The following VPS13B variants were observed in gnomAD, a reference collection of about 807,000 sequenced individuals.
VPS13B encodes vacuolar protein sorting 13 homolog B, also known as intermembrane lipid transfer protein VPS13B.
Under a neutral mutation model 426.4 loss-of-function variants are expected in VPS13B, and 285 were observed. The observed-to-expected ratio is 0.67, with a 90% CI of 0.61 to 0.74. The LOEUF is 0.74. Ranked by LOEUF, VPS13B falls within the 30% of genes least tolerant of loss-of-function variation. The pLI, the probability that VPS13B is intolerant of heterozygous loss-of-function variation, is 0.00. For missense variants in VPS13B, 4,537 were observed against 4,782.6 expected, an observed-to-expected ratio of 0.95 and a Z score of 1.51; for synonymous variants, 1,676 against 1,676.4, an observed-to-expected ratio of 1.00 and a Z score of 0.01.
intron 8 of VPS13B, 56 bp from the exon 9 acceptor site, chr8:99,134,576 A>G: frequency 7.4e-7 from 1 of 1,346,672 alleles, no homozygotes; most frequent in Non-Finnish European, 1.0e-6. Context: ...TCATAATGAC[A>G]ATTTATTGCT....
Position 99,513,795 on chromosome 8 carries a change from A to G in VPS13B, c.4633+2283A>G, listed in dbSNP as rs531707888. ...AAAACTTGACCAAGAATATGATACA[A>G]TATCAGTGTGTTGTTTTTTTCTGCA... is the stretch of plus-strand genomic sequence containing the variant. On this transcript the variant is annotated intron_variant, in intron 29 of 61. Coordinates refer to ENST00000357162, the MANE Select transcript of VPS13B (RefSeq NM_152564.5). Among the ~76,000 whole-genome samples the G allele has an allele frequency of 5.3e-5, 8 of 152,282 alleles. No individual in the cohort carries two copies. In the East Asian group the frequency reaches 9.6e-4, roughly 18 times the overall value.
At chr8:99,415,299 A>T (rs2133367910) in intron 21 of VPS13B, among the ~76,000 whole-genome samples, 1 of 152,030 alleles carries the variant, frequency 6.6e-6, no homozygotes, top group Non-Finnish European at 1.5e-5. Flanking sequence ...TGGATATTCT[A>T]GTTAGCAATT....
intron 33 of VPS13B, among the ~76,000 whole-genome samples, chr8:99,598,749 C>T (rs1160033413): frequency 2.0e-5 from 3 of 152,070 alleles, no homozygotes; most frequent in Non-Finnish European, 2.9e-5. Flanking sequence ...TCCTCCTCCT[C>T]CTCCACTTAA....
intron 21 of VPS13B, among the ~76,000 whole-genome samples, chr8:99,425,510 C>T (rs916723275): frequency 1.3e-5 from 2 of 152,146 alleles, no homozygotes; most frequent in Non-Finnish European, 2.9e-5. Context: ...TGACAAAATT[C>T]AACAGCCCTT....
At chr8:99,069,083 T>C (rs2132327501) in intron 3 of VPS13B, among the ~76,000 whole-genome samples, 1 of 152,314 alleles carries the variant, frequency 6.6e-6, no homozygotes, top group African/African-American at 2.4e-5. Flanking sequence ...GGAATTTGCA[T>C]GTTGGTAATT....
chr8:99,704,102 A>G (rs1022752341), intron 36 of VPS13B, among the ~76,000 whole-genome samples: 10 of 152,120 alleles, frequency 6.6e-5, no homozygotes, highest in Non-Finnish European at 4.4e-5. Flanking sequence ...ACCCAAGCCA[A>G]AACCAGTGAG....
Position 99,194,142 on chromosome 8 carries a change from AG to A in VPS13B, c.2515+1088del, listed in dbSNP as rs1158517416. On this transcript the variant is annotated intron_variant, in intron 17 of 61. Coordinates refer to ENST00000357162, the MANE Select transcript of VPS13B (RefSeq NM_152564.5). The stretch of plus-strand genomic sequence containing the variant: ...ATTTCAGATTTTGGGTTTTCAGATT[AG>A]GGATGTTCAAGTTGTAGTAGTTTTG... Among the ~76,000 whole-genome samples the A allele has an allele frequency of 2.6e-5, 4 of 152,306 alleles. 1 individual carries two copies. The East Asian group carries it at 5.8e-4, about 22-fold the overall frequency.
intron 33 of VPS13B, among the ~76,000 whole-genome samples, chr8:99,609,353 G>A (rs1827743096): frequency 6.6e-6 from 1 of 152,026 alleles, no homozygotes; most frequent in South Asian, 2.1e-4. Context: ...CTAAATATTG[G>A]GAATTTTATC....
At chr8:99,649,053 T>A (rs556074168) in intron 34 of VPS13B, among the ~76,000 whole-genome samples, 1 of 152,250 alleles carries the variant, frequency 6.6e-6, no homozygotes, top group East Asian at 1.9e-4. Flanking sequence ...TGTTCTTCTG[T>A]CCCCTGTGGT....
intron 28 of VPS13B, chr8:99,508,028 T>C: frequency 6.7e-7 from 1 of 1,484,382 alleles, no homozygotes; most frequent in East Asian, 2.3e-5. Context: ...TCATAAACTT[T>C]ATAAATGAAG....
At chr8:99,242,013 A>G (rs1326970794) in intron 17 of VPS13B, among the ~76,000 whole-genome samples, 2 of 151,556 alleles carry the variant, frequency 1.3e-5, no homozygotes, top group African/African-American at 2.4e-5. Flanking sequence ...GAGTCTCGCT[A>G]TTGTCAGCCC....
intron 61 of VPS13B, among the ~76,000 whole-genome samples, chr8:99,874,272 C>G (rs1311802183): frequency 6.6e-6 from 1 of 152,186 alleles, no homozygotes; most frequent in Admixed American, 6.5e-5. Flanking sequence ...CTGGCCCCAT[C>G]AAATGATATC....
chr8:99,222,463 C>T (rs1204275550), intron 17 of VPS13B, among the ~76,000 whole-genome samples: 1 of 152,142 alleles, frequency 6.6e-6, no homozygotes, highest in Non-Finnish European at 1.5e-5. Context: ...TAATTGGTGG[C>T]TACTGTTATT....
In VPS13B at chr8:99,318,256, AAT is replaced by A. The variant is rs1265122169; in HGVS notation, c.2824+43004_2824+43005del. On this transcript the variant is annotated intron_variant, in intron 19 of 61. Coordinates refer to ENST00000357162, the MANE Select transcript of VPS13B (RefSeq NM_152564.5). ...TCAGTTCATGAGCATACTGATATTGAATAACAATGCTGTGCAATTATTCTATA... is the reference window on the plus strand; with the variant it reads ...TCAGTTCATGAGCATACTGATATTGAAACAATGCTGTGCAATTATTCTATA... Among the ~76,000 whole-genome samples the A allele has an allele frequency of 1.1e-4, 17 of 152,334 alleles. No homozygotes were observed. The East Asian group carries it at 3.1e-3, about 28-fold the overall frequency.
chr8:99,609,324 C>T (rs1827741878), intron 33 of VPS13B, among the ~76,000 whole-genome samples: 3 of 152,188 alleles, frequency 2.0e-5, no homozygotes, highest in Non-Finnish European at 4.4e-5. Context: ...AATATTACCA[C>T]TGATTTCATC....
At chr8:99,063,686 C>T (rs1411745700) in intron 3 of VPS13B, among the ~76,000 whole-genome samples, 1 of 152,352 alleles carries the variant, frequency 6.6e-6, no homozygotes, top group East Asian at 1.9e-4. Context: ...CAGACTTAAA[C>T]GTCTCTGTCT....
At chr8:99,605,447 T>G (rs914340706) in intron 33 of VPS13B, among the ~76,000 whole-genome samples, 1 of 152,174 alleles carries the variant, frequency 6.6e-6, no homozygotes, top group African/African-American at 2.4e-5. Context: ...CTTCAATCTA[T>G]AGATAACTCT....
intron 39 of VPS13B, among the ~76,000 whole-genome samples, chr8:99,740,149 C>T (rs1016297002): frequency 5.3e-5 from 8 of 152,120 alleles, no homozygotes; most frequent in African/African-American, 1.9e-4. Context: ...GAGCTGCAAA[C>T]CACAGCACAA....
intron 61 of VPS13B, among the ~76,000 whole-genome samples, chr8:99,872,080 G>A (rs1309199276): frequency 6.6e-6 from 1 of 152,216 alleles, no homozygotes; most frequent in Non-Finnish European, 1.5e-5. Flanking sequence ...CCAGGATTGG[G>A]GCAGCAATTC....
Sources: gnomAD v4.1 joint callset for allele counts (sites outside exome capture counted in the v4.1 genomes callset) on GRCh38, gnomAD v4.1.1 for gene constraint, MANE v1.5 for transcripts, NCBI Gene and HGNC (gene_info 2026-07-23, HGNC 2026-07-21) for gene names.